KCNQ5: variants seen among roughly 807,000 people sequenced by gnomAD.
KCNQ5 encodes potassium voltage-gated channel subfamily KQT member 5.
A neutral mutation model predicts 98.2 loss-of-function variants in KCNQ5; 30 were observed. That is an observed-to-expected ratio of 0.31 (90% confidence interval 0.23 to 0.41). KCNQ5 has a LOEUF of 0.41. Ranked by LOEUF, KCNQ5 falls within the 10% of genes least tolerant of loss-of-function variation. The pLI, the probability that KCNQ5 is intolerant of heterozygous loss-of-function variation, is 1.00. For missense variants in KCNQ5, 835 were observed against 1,182.5 expected (o/e 0.71, Z 4.31); for synonymous variants, 458 against 449.4 (o/e 1.02, Z -0.24).
At chr6:72,680,770 A>G (rs1767665098) in intron 1 of KCNQ5, among the ~76,000 whole-genome samples, 1 of 152,238 alleles carries the variant, frequency 6.6e-6, no homozygotes. Context: ...TCCCCTTTCA[A>G]TTAAGTATAA....
chr6:72,829,981 C>T (rs545857443), intron 1 of KCNQ5, among the ~76,000 whole-genome samples: 290 of 152,174 alleles, frequency 1.9e-3, no homozygotes, highest in African/African-American at 6.6e-3. Flanking sequence ...TTCCCATTCA[C>T]AATTGCTTCA....
At chr6:72,737,878 G>A (rs2154476031) in intron 1 of KCNQ5, among the ~76,000 whole-genome samples, 1 of 152,252 alleles carries the variant, frequency 6.6e-6, no homozygotes, top group African/African-American at 2.4e-5. Context: ...ACTTGGGGCT[G>A]GGCGCAGTGG....
Position 73,177,279 on chromosome 6 carries a change from A to G in KCNQ5, c.1577+7425A>G, listed in dbSNP as rs562085343. 3.9e-5 allele frequency among the ~76,000 whole-genome samples: 6 copies of G among 152,356 alleles called. No homozygotes were observed. The East Asian group carries it at 1.2e-3, about 29-fold the overall frequency. On this transcript the variant is annotated intron_variant, in intron 11 of 13. Transcript: ENST00000370398. ...TAAATTACCAGAATCTCTCACTCTA[A>G]TATGAACATAGATGAAGTGTCAAGA...
chr6:73,169,372 G>A (rs78282500), intron 10 of KCNQ5, among the ~76,000 whole-genome samples: 2,350 of 152,292 alleles, frequency 0.015, 138 homozygotes, highest in Admixed American at 0.1. Context: ...AGGCCAGTTA[G>A]TTACAAGTCC....
chr6:72,872,683 C>T (rs905982022), intron 1 of KCNQ5, among the ~76,000 whole-genome samples: 1 of 152,060 alleles, frequency 6.6e-6, no homozygotes, highest in African/African-American at 2.4e-5. Flanking sequence ...CACAGGCCTA[C>T]ACTTTGCTGA....
intron 1 of KCNQ5, among the ~76,000 whole-genome samples, chr6:72,843,158 T>C (rs1315443287): frequency 1.3e-5 from 2 of 152,208 alleles, no homozygotes; most frequent in Admixed American, 6.5e-5. Context: ...TTAATTTTTG[T>C]ATAAGGTTTA....
intron 1 of KCNQ5, among the ~76,000 whole-genome samples, chr6:72,760,426 G>C (rs2982749): frequency 0.99 from 151,098 of 152,038 alleles, 75,091 homozygotes; most frequent in Middle Eastern, 1. Flanking sequence ...AAAGCTAATA[G>C]AATTGTTTTT....
At chr6:73,114,323 A>G (rs1405682218) in intron 7 of KCNQ5, among the ~76,000 whole-genome samples, 2 of 152,168 alleles carry the variant, frequency 1.3e-5, no homozygotes, top group Non-Finnish European at 2.9e-5. Context: ...CATTTATTTT[A>G]GGCCAGAGTC....
intron 1 of KCNQ5, among the ~76,000 whole-genome samples, chr6:72,918,430 A>C (rs1780259398): frequency 6.6e-6 from 1 of 151,934 alleles, no homozygotes. Flanking sequence ...ATGTGCTCAA[A>C]AGTCTCTGAA....
chr6:72,652,613 T>C (rs79807832), intron 1 of KCNQ5, among the ~76,000 whole-genome samples: 3,214 of 152,158 alleles, frequency 0.021, 47 homozygotes, highest in Non-Finnish European at 0.026. Context: ...TGTAAGACTT[T>C]TTCTGATCCA....
At chr6:72,875,975 A>C (rs1778390457) in intron 1 of KCNQ5, among the ~76,000 whole-genome samples, 1 of 151,726 alleles carries the variant, frequency 6.6e-6, no homozygotes, top group South Asian at 2.1e-4. Flanking sequence ...TGTTTGTGTT[A>C]CTTTTCTTTT....
chr6:72,980,842 C>T lies in KCNQ5; in HGVS notation c.399-23066C>T, dbSNP rs571475019. Among the ~76,000 whole-genome samples, 11 of 152,256 alleles carry T rather than the reference C, an allele frequency of 7.2e-5. 1 individual carries two copies. The highest frequency in any genetic ancestry group is 2.1e-4 in the South Asian group (1 of 4,820). On this transcript the variant is annotated intron_variant, in intron 1 of 13. Coordinates refer to ENST00000370398, the MANE Select transcript of KCNQ5 (RefSeq NM_019842.4). ...AAATAGCTCTTATTATTTTGAGATA[C>T]GTTCCATCAATACCTAGTTTATTGA...
chr6:72,813,687 C>T (rs1205985925), intron 1 of KCNQ5, among the ~76,000 whole-genome samples: 2 of 152,106 alleles, frequency 1.3e-5, no homozygotes, highest in South Asian at 2.1e-4. Flanking sequence ...CTTAAGTCCC[C>T]GATATAAAAT....
chr6:73,124,935 TGA>T (rs1775889097), intron 9 of KCNQ5, among the ~76,000 whole-genome samples: 1 of 66,010 alleles, frequency 1.5e-5, no homozygotes, highest in Non-Finnish European at 3.3e-5. Flanking sequence ...TCTTTTGGAG[TGA>T]TATATATATA....
chr6:72,710,800 A>G (rs1201662442), intron 1 of KCNQ5, among the ~76,000 whole-genome samples: 2 of 152,192 alleles, frequency 1.3e-5, no homozygotes, highest in African/African-American at 4.8e-5. Flanking sequence ...CATAAAGTCA[A>G]TAAGGAAACA....
At chr6:73,105,093 AGAAGT>A (rs1562181455) in intron 5 of KCNQ5, among the ~76,000 whole-genome samples, 159 bp from the exon 6 acceptor site, 1 of 152,242 alleles carries the variant, frequency 6.6e-6, no homozygotes, top group Non-Finnish European at 1.5e-5. Flanking sequence ...TTAAACAAAG[AGAAGT>A]TCTGTCATGC....
At chr6:73,022,483 C>A (rs975343314) in intron 2 of KCNQ5, among the ~76,000 whole-genome samples, 5 of 152,020 alleles carry the variant, frequency 3.3e-5, no homozygotes, top group African/African-American at 1.2e-4. Context: ...CTAGCACATG[C>A]CTATAGTCCT....
At chr6:73,124,575 A>G (rs1775872036) in intron 9 of KCNQ5, 63 bp downstream of exon 9, 2 of 1,370,962 alleles carry the variant, frequency 1.5e-6, no homozygotes, top group African/African-American at 1.4e-5. Context: ...GGTGTTTTAA[A>G]TGTGTCTCAT....
chr6:73,127,592 T>C (rs1165386843), intron 9 of KCNQ5, among the ~76,000 whole-genome samples: 2 of 152,328 alleles, frequency 1.3e-5, no homozygotes, highest in Non-Finnish European at 2.9e-5. Context: ...GATTAAGATG[T>C]CGAACACATT....
Sources: allele counts gnomAD v4.1 joint callset (sites outside exome capture counted in the v4.1 genomes callset), GRCh38; gene constraint gnomAD v4.1.1; transcripts MANE v1.5; gene names NCBI Gene and HGNC (gene_info 2026-07-23, HGNC 2026-07-21).